ECHDC1: variants seen among roughly 807,000 people sequenced by gnomAD.
The protein encoded by ECHDC1 is ethylmalonyl-CoA decarboxylase 1, also known as ethylmalonyl-CoA decarboxylase.
ECHDC1 carries 29 observed loss-of-function variants against 29.7 expected under a neutral mutation model. The ratio of observed to expected loss-of-function variants is 0.98; its 90% CI spans 0.73 to 1.33. The LOEUF (loss-of-function observed/expected upper bound fraction) is 1.33. Ranked by LOEUF, ECHDC1 falls within the 40% of genes most tolerant of loss-of-function variation. The pLI is 0.00. For synonymous variants in ECHDC1, 126 were observed against 123.1 expected (o/e 1.02, Z -0.15); for missense variants, 328 against 350.0 (o/e 0.94, Z 0.50).
rs367650458 is a variant in ECHDC1 at position 127,289,753 on chromosome 6, C to G, written c.*116G>C. 27 of 1,040,662 alleles carry G rather than the reference C, an allele frequency of 2.6e-5. No individual in the cohort carries two copies. In the African/African-American group the frequency reaches 3.4e-4, roughly 13 times the overall value. The allele number at this position is 1,040,662 out of a possible 1,614,324, so 64.5% of individuals were successfully genotyped here. On this transcript the variant is annotated 3_prime_UTR_variant, in exon 6 of 6. Transcript: ENST00000454859. ...GATATTCAAATGATTAAAAGTAAGTCTGCATATTAATAGTAGCCTTCAAAG... is the reference window on the plus strand; with the variant it reads ...GATATTCAAATGATTAAAAGTAAGTGTGCATATTAATAGTAGCCTTCAAAG...
chr6:127,326,844 C>G (rs890369869), intron 3 of ECHDC1, 158 bp downstream of exon 3: 4 of 687,382 alleles, frequency 5.8e-6, no homozygotes, highest in Non-Finnish European at 9.2e-6. Context: ...TTATATTGTT[C>G]CTCCTATAAT....
chr6:127,311,669 CAAAAAAAAAA>C (rs71272311), intron 5 of ECHDC1, among the ~76,000 whole-genome samples: 3 of 25,032 alleles, frequency 1.2e-4, no homozygotes, highest in East Asian at 8.6e-4. Flanking sequence ...GGCTCTGTCT[CAAAAAAAAAA>C]AAAAAAAAAA....
At chr6:127,327,258 T>G in intron 2 of ECHDC1, 114 bp from the exon 3 acceptor site, 1 of 1,190,488 alleles carries the variant, frequency 8.4e-7, no homozygotes, top group Non-Finnish European at 1.1e-6. Context: ...TTTATAAATA[T>G]TTACTGAGTG....
chr6:127,324,259 T>C lies in ECHDC1; in HGVS notation c.363+2743A>G, dbSNP rs143251659. On this transcript the variant is annotated intron_variant, in intron 3 of 5. Coordinates refer to ENST00000454859, the MANE Select transcript of ECHDC1 (RefSeq NM_001002030.2). Reference sequence around the variant, plus strand: ...CTATCATCTTAATATTACTAATTTATATTACCTATTTAAAATGTTACAGTA... The same window carrying C: ...CTATCATCTTAATATTACTAATTTACATTACCTATTTAAAATGTTACAGTA... Among the ~76,000 whole-genome samples, 711 of 152,280 alleles carry C rather than the reference T, an allele frequency of 4.7e-3. 7 individuals carry two copies. The highest frequency in any genetic ancestry group is 0.015 in the African/African-American group (632 of 41,582).
intron 3 of ECHDC1, chr6:127,318,122 C>A (rs1397879351): frequency 6.6e-6 from 1 of 152,174 alleles, no homozygotes; most frequent in African/African-American, 2.4e-5. Context: ...CACTTGATCC[C>A]AAACTATCTT....
At chr6:127,320,906 A>T (rs1782778397) in intron 3 of ECHDC1, among the ~76,000 whole-genome samples, 1 of 152,138 alleles carries the variant, frequency 6.6e-6, no homozygotes. Context: ...AAAAGAAAAA[A>T]AAAGTGGAAT....
chr6:127,336,191 T>C (rs1172815677), intron 1 of ECHDC1, among the ~76,000 whole-genome samples: 1 of 152,064 alleles, frequency 6.6e-6, no homozygotes, highest in Non-Finnish European at 1.5e-5. Context: ...CCACCTAATT[T>C]AGTGCAATAA....
chr6:127,312,058 T>TA (rs35311556), intron 5 of ECHDC1, among the ~76,000 whole-genome samples: 16 of 151,210 alleles, frequency 1.1e-4, no homozygotes, highest in Admixed American at 2.6e-4. Context: ...ATACTACTGA[T>TA]AAAAAAAAAA....
chr6:127,320,439 G>A (rs1243854469), intron 3 of ECHDC1, among the ~76,000 whole-genome samples: 1 of 152,180 alleles, frequency 6.6e-6, no homozygotes, highest in East Asian at 1.9e-4. Context: ...AATAGATTGG[G>A]AGAAAAGTAA....
intron 5 of ECHDC1, among the ~76,000 whole-genome samples, chr6:127,311,585 A>T (rs986219146): frequency 2.7e-5 from 4 of 146,690 alleles, no homozygotes; most frequent in African/African-American, 1.0e-4. Flanking sequence ...GAGGCAGGAG[A>T]ATTGCTTGAA....
intron 5 of ECHDC1, chr6:127,313,676 T>G: frequency 4.6e-6 from 2 of 433,266 alleles, no homozygotes; most frequent in Admixed American, 5.4e-5. Flanking sequence ...AATGAATTTT[T>G]AAAAAAATGG....
intron 1 of ECHDC1, among the ~76,000 whole-genome samples, chr6:127,331,365 C>T (rs957017609): frequency 3.3e-5 from 5 of 151,928 alleles, no homozygotes; most frequent in African/African-American, 7.3e-5. Context: ...AGGCTGGTCT[C>T]GAACTCCTGA....
Position 127,323,941 on chromosome 6 carries a change from A to T in ECHDC1, c.363+3061T>A, listed in dbSNP as rs182500552. On this transcript the variant is annotated intron_variant, in intron 3 of 5. Coordinates refer to ENST00000454859, the MANE Select transcript of ECHDC1 (RefSeq NM_001002030.2). ...CAGGGTAATTCAAAAGCATATTTTT[A>T]AATTTGTTACTACTTCTTGAACTTT... Among the ~76,000 whole-genome samples, 2 of 152,290 alleles carry T rather than the reference A, an allele frequency of 1.3e-5. 1 individual carries two copies. The highest frequency in any genetic ancestry group is 3.9e-4 in the East Asian group (2 of 5,188).
At chr6:127,296,450 C>A (rs1406082505) in intron 5 of ECHDC1, among the ~76,000 whole-genome samples, 1 of 151,994 alleles carries the variant, frequency 6.6e-6, no homozygotes, top group Non-Finnish European at 1.5e-5. Context: ...GCCTCGGCCT[C>A]CCACAGTGGA....
chr6:127,323,068 T>C (rs1432628214), intron 3 of ECHDC1, among the ~76,000 whole-genome samples: 1 of 152,120 alleles, frequency 6.6e-6, no homozygotes, highest in East Asian at 1.9e-4. Context: ...GCGTACAAAA[T>C]TAATGAAAAT....
At chr6:127,304,546 G>A (rs1781299831) in intron 5 of ECHDC1, among the ~76,000 whole-genome samples, 1 of 152,062 alleles carries the variant, frequency 6.6e-6, no homozygotes, top group Non-Finnish European at 1.5e-5. Flanking sequence ...CCCACCAAAT[G>A]AACTAAACAA....
chr6:127,314,951 C>T (rs1337346211), intron 4 of ECHDC1, 55 bp from the exon 5 acceptor site: 6 of 1,510,256 alleles, frequency 4.0e-6, no homozygotes, highest in Non-Finnish European at 4.6e-6. Context: ...TATTCATTTA[C>T]AAATGTTATT....
At chr6:127,291,951 T>C (rs536846733) in intron 5 of ECHDC1, among the ~76,000 whole-genome samples, 23 of 152,196 alleles carry the variant, frequency 1.5e-4, no homozygotes, top group African/African-American at 5.1e-4. Flanking sequence ...ACAAGTCTTA[T>C]AAAAATCTGA....
At chr6:127,325,897 C>A (rs1783281691) in intron 3 of ECHDC1, among the ~76,000 whole-genome samples, 1 of 151,988 alleles carries the variant, frequency 6.6e-6, no homozygotes, top group African/African-American at 2.4e-5. Flanking sequence ...GAGACAAGGA[C>A]TGGCTATGTT....
Sources: allele counts gnomAD v4.1 joint callset (sites outside exome capture counted in the v4.1 genomes callset), GRCh38; gene constraint gnomAD v4.1.1; transcripts MANE v1.5; gene names NCBI Gene and HGNC (gene_info 2026-07-23, HGNC 2026-07-21).